The following GLIS3 variants were observed in gnomAD, a reference collection of about 807,000 sequenced individuals.
GLIS3 encodes GLIS family zinc finger 3, also known as zinc finger protein GLIS3.
Under a neutral mutation model 78.6 loss-of-function variants are expected in GLIS3, and 53 were observed. The observed-to-expected ratio is 0.67, with a 90% CI of 0.54 to 0.85. The LOEUF (loss-of-function observed/expected upper bound fraction) is 0.85. Among genes scored for constraint, GLIS3 ranks in the 40% least tolerant of loss-of-function variants. The pLI, the probability that GLIS3 is intolerant of heterozygous loss-of-function variation, is 0.00. For missense variants in GLIS3, 1,703 were observed against 1,231.1 expected, an observed-to-expected ratio of 1.38 and a Z score of -5.74; for synonymous variants, 684 against 509.9, an observed-to-expected ratio of 1.34 and a Z score of -4.60.
chr9:3,873,476 C>T (rs1196490324), intron 8 of GLIS3, among the ~76,000 whole-genome samples: 3 of 151,992 alleles, frequency 2.0e-5, no homozygotes, highest in Non-Finnish European at 2.9e-5. Context: ...ACCATATGAT[C>T]ATCAGTTAAA....
intron 2 of GLIS3, among the ~76,000 whole-genome samples, chr9:4,220,924 G>A (rs570690349): frequency 5.9e-4 from 90 of 152,186 alleles, no homozygotes; most frequent in African/African-American, 2.1e-3. Context: ...GGTGGAGGTT[G>A]CAGTGAGCCA....
At chr9:4,207,731 G>C (rs1251285270) in intron 2 of GLIS3, among the ~76,000 whole-genome samples, 2 of 152,144 alleles carry the variant, frequency 1.3e-5, no homozygotes, top group African/African-American at 4.8e-5. Flanking sequence ...AAGCCACACA[G>C]CTCATGAGTA....
At chr9:4,288,442 C>G (rs1828182715) in intron 1 of GLIS3, among the ~76,000 whole-genome samples, 1 of 152,030 alleles carries the variant, frequency 6.6e-6, no homozygotes, top group Non-Finnish European at 1.5e-5. Context: ...TGACAAGTGT[C>G]TGCAGATTTT....
At chr9:4,090,845 G>C (rs1019393276) in intron 4 of GLIS3, among the ~76,000 whole-genome samples, 2 of 152,210 alleles carry the variant, frequency 1.3e-5, no homozygotes, top group Non-Finnish European at 2.9e-5. Context: ...GTATGCTGGA[G>C]TCACTAGACT....
chr9:4,123,951 A>C (rs143791317), intron 3 of GLIS3: 166 of 391,162 alleles, frequency 4.2e-4, no homozygotes, highest in African/African-American at 2.9e-3. Context: ...TTCCACTTCC[A>C]TCCACTCCCA....
chr9:4,303,911 G>T (rs191163881), upstream of GLIS3, among the ~76,000 whole-genome samples: 1 of 152,244 alleles, frequency 6.6e-6, no homozygotes, highest in East Asian at 1.9e-4. Flanking sequence ...CATCTATACT[G>T]GCCAACTATA....
chr9:4,157,699 G>A (rs894362642), intron 2 of GLIS3, among the ~76,000 whole-genome samples: 8 of 152,088 alleles, frequency 5.3e-5, no homozygotes, highest in African/African-American at 1.4e-4. Flanking sequence ...CTCCTTTAGT[G>A]CATGCATTAC....
chr9:4,283,234 C>A (rs1183431220), intron 2 of GLIS3, among the ~76,000 whole-genome samples: 1 of 151,650 alleles, frequency 6.6e-6, no homozygotes, highest in East Asian at 1.9e-4. Flanking sequence ...TGTATCCCTA[C>A]CGGAGTCCTT....
At chr9:4,464,230 T>G in the GLIS3 span, among the ~76,000 whole-genome samples, 2 of 151,968 alleles carry the variant, frequency 1.3e-5, no homozygotes, top group Non-Finnish European at 2.9e-5. Context: ...GGCCTGGGGG[T>G]CAGAGTCTCC....
At chr9:4,390,592 C>T in the GLIS3 span, among the ~76,000 whole-genome samples, 58 of 152,278 alleles carry the variant, frequency 3.8e-4, no homozygotes, top group African/African-American at 1.3e-3. Context: ...TGGGAGTGCC[C>T]AGTCTCTCTG....
At chr9:4,370,834 T>G in the GLIS3 span, among the ~76,000 whole-genome samples, 1 of 152,002 alleles carries the variant, frequency 6.6e-6, no homozygotes, top group Non-Finnish European at 1.5e-5. Context: ...TGCTCCTGCT[T>G]CCAGAAACAC....
intron 2 of GLIS3, among the ~76,000 whole-genome samples, chr9:4,215,961 C>G (rs1820789114): frequency 6.6e-6 from 1 of 152,068 alleles, no homozygotes; most frequent in Non-Finnish European, 1.5e-5. Flanking sequence ...ATTATTAATT[C>G]AAATATAACT....
chr9:3,986,467 A>G (rs1819749569), intron 4 of GLIS3, among the ~76,000 whole-genome samples: 1 of 152,234 alleles, frequency 6.6e-6, no homozygotes, highest in African/African-American at 2.4e-5. Flanking sequence ...ACAATTAGGA[A>G]TACTTTTCTA....
intron 4 of GLIS3, among the ~76,000 whole-genome samples, chr9:4,007,432 T>A (rs1192214954): frequency 3.3e-5 from 5 of 152,064 alleles, no homozygotes; most frequent in Admixed American, 6.6e-5. Context: ...ACCAGATACA[T>A]CCCTCTTTCT....
chr9:4,335,293 A>T (rs1015393828), intron 2 of GLIS3, among the ~76,000 whole-genome samples: 19 of 152,236 alleles, frequency 1.2e-4, no homozygotes, highest in African/African-American at 4.3e-4. Context: ...TGACGATCAA[A>T]GTCTATACCA....
At chr9:4,026,635 A>AAG (rs1823372250) in intron 4 of GLIS3, among the ~76,000 whole-genome samples, 1 of 152,196 alleles carries the variant, frequency 6.6e-6, no homozygotes, top group Non-Finnish European at 1.5e-5. Context: ...AACACAGATC[A>AAG]TTTTGTGATA....
intron 4 of GLIS3, among the ~76,000 whole-genome samples, chr9:4,053,039 C>T (rs1158550482): frequency 6.6e-6 from 1 of 152,150 alleles, no homozygotes; most frequent in African/African-American, 2.4e-5. Flanking sequence ...TCTCTGCCTC[C>T]TAAGTTCAAG....
chr9:4,362,167 C>A, the GLIS3 span, among the ~76,000 whole-genome samples: 86,675 of 152,146 alleles, frequency 0.57, 25,346 homozygotes, highest in Middle Eastern at 0.77. Flanking sequence ...GCCATTGTGT[C>A]TCAAATTAGT....
In GLIS3 at chr9:4,090,742, G is replaced by A. The variant is rs567392965; in HGVS notation, c.1710+27026C>T. 5.3e-5 allele frequency among the ~76,000 whole-genome samples: 8 copies of A among 152,338 alleles called. No individual in the cohort carries two copies. In the East Asian group the frequency reaches 1.5e-3, roughly 29 times the overall value. On this transcript the variant is annotated intron_variant, in intron 4 of 10. Transcript: ENST00000381971. ...CTCCCTCATAAGGCCCAGGGAAGAA[G>A]AGATAAGCTTAAGCACGTGAAGTGG...
Sources: allele counts gnomAD v4.1 joint callset (sites outside exome capture counted in the v4.1 genomes callset), GRCh38; gene constraint gnomAD v4.1.1; transcripts MANE v1.5; gene names NCBI Gene and HGNC (gene_info 2026-07-23, HGNC 2026-07-21).